The following CFAP43 variants were observed in gnomAD, a reference collection of about 807,000 sequenced individuals.
The protein encoded by CFAP43 is cilia- and flagella-associated protein 43.
A neutral mutation model predicts 218.9 loss-of-function variants in CFAP43; 155 were observed. The observed-to-expected ratio is 0.71, with a 90% CI of 0.62 to 0.81. CFAP43 has a LOEUF of 0.81. Ranked by LOEUF, CFAP43 falls within the 30% of genes least tolerant of loss-of-function variation. The pLI is 0.00. For synonymous variants in CFAP43, 645 were observed against 681.3 expected (o/e 0.95, Z 0.83); for missense variants, 1,778 against 1,954.3 (o/e 0.91, Z 1.70).
chr10:104,167,614 A>G lies in CFAP43; in HGVS notation c.2808+7T>C. The G allele has an allele frequency of 6.3e-7, 1 of 1,587,900 alleles. No individual in the cohort carries two copies. The highest frequency in any genetic ancestry group is 8.6e-7 in the Non-Finnish European group (1 of 1,168,672). ...TTATATAAACACATGTATATTTAAA[A>G]TAGTACTTTAAGACACTCTGCTTCA... On this transcript the variant is annotated splice_region_variant and intron_variant, in intron 22 of 37. Transcript: ENST00000357060.
chr10:104,167,430 G>C (rs2089211512), intron 22 of CFAP43, among the ~76,000 whole-genome samples, 191 bp downstream of exon 22: 1 of 152,110 alleles, frequency 6.6e-6, no homozygotes, highest in Non-Finnish European at 1.5e-5. Context: ...ATAGGATACA[G>C]GCTCCTTGAT....
chr10:104,165,661 A>T (rs997862204), intron 23 of CFAP43, among the ~76,000 whole-genome samples: 5 of 151,760 alleles, frequency 3.3e-5, no homozygotes, highest in African/African-American at 1.2e-4. Context: ...GGGTTTCTAC[A>T]TGTATAGACG....
chr10:104,214,157 A>T, intron 4 of CFAP43, 102 bp downstream of exon 4: 2 of 1,110,350 alleles, frequency 1.8e-6, no homozygotes, highest in Non-Finnish European at 2.5e-6. Flanking sequence ...ATGCATATAT[A>T]TGTATGTATA....
rs538751881 is a variant in CFAP43, at chr10:104,201,928, T to C, written c.1095+1744A>G. On this transcript the variant is annotated intron_variant, in intron 8 of 37. Transcript: ENST00000357060. ...CCCGCATACTGAAAAGATGTTTTCA[T>C]TGGGTATAGAATTCTAGGTGGTAAT... 3.9e-5 allele frequency among the ~76,000 whole-genome samples: 6 copies of C among 152,286 alleles called. No individual in the cohort carries two copies. The South Asian group carries it at 1.0e-3, about 26-fold the overall frequency.
intron 19 of CFAP43, among the ~76,000 whole-genome samples, chr10:104,175,084 C>CAAA (rs1309874058): frequency 1.3e-5 from 2 of 148,572 alleles, no homozygotes; most frequent in Non-Finnish European, 3.0e-5. Flanking sequence ...AACAAACAAA[C>CAAA]AAACAAAAAA....
Position 104,188,266 on chromosome 10 carries a change from T to C in CFAP43, c.1687+4A>G, listed in dbSNP as rs2090095702. 9.3e-6 allele frequency: 15 copies of C among 1,613,276 alleles called. No homozygotes were observed. Among genetic ancestry groups the C allele is most frequent in the Non-Finnish European group, 1.3e-5 (15 of 1,179,682 alleles). On this transcript the variant is annotated splice_donor_region_variant and intron_variant, in intron 13 of 37. Coordinates refer to ENST00000357060, the MANE Select transcript of CFAP43 (RefSeq NM_025145.7). ...GCAGAACTGGCTGCTTATGTTTTCC[T>C]TACCTTGTGGCAGTAATGTAGGCAG...
chr10:104,183,755 A>G (rs1464001511), intron 16 of CFAP43, among the ~76,000 whole-genome samples: 1 of 152,228 alleles, frequency 6.6e-6, no homozygotes, highest in African/African-American at 2.4e-5. Flanking sequence ...ATGGATCAAA[A>G]TGTCCTTCTT....
intron 20 of CFAP43, among the ~76,000 whole-genome samples, chr10:104,171,332 T>C (rs762626502): frequency 9.2e-5 from 14 of 152,262 alleles, no homozygotes; most frequent in South Asian, 2.1e-4. Context: ...TCTGTTGAGA[T>C]ACTCTTGTCC....
chr10:104,190,921 T>C (rs1484354165), intron 12 of CFAP43, among the ~76,000 whole-genome samples: 2 of 152,210 alleles, frequency 1.3e-5, no homozygotes, highest in East Asian at 3.8e-4. Flanking sequence ...AATTGCCTCA[T>C]GTGGAGAGAT....
At chr10:104,136,621 C>T (rs2087463897) in intron 34 of CFAP43, among the ~76,000 whole-genome samples, 1 of 152,122 alleles carries the variant, frequency 6.6e-6, no homozygotes, top group Non-Finnish European at 1.5e-5. Context: ...CCCACCTCAG[C>T]TTCCCAAAGT....
chr10:104,222,674 G>A (rs776813084), intron 3 of CFAP43, among the ~76,000 whole-genome samples: 1 of 152,302 alleles, frequency 6.6e-6, no homozygotes, highest in African/African-American at 2.4e-5. Flanking sequence ...AACAAATCTA[G>A]GGGAAGGGTT....
At chr10:104,205,450 C>T (rs2090659427) in intron 7 of CFAP43, among the ~76,000 whole-genome samples, 2 of 152,016 alleles carry the variant, frequency 1.3e-5, no homozygotes, top group Non-Finnish European at 2.9e-5. Flanking sequence ...GTTGTAAGGA[C>T]CTATAAGATA....
At chr10:104,167,767 A>C in intron 21 of CFAP43, 30 bp from the exon 22 acceptor site, 2 of 1,534,690 alleles carry the variant, frequency 1.3e-6, no homozygotes, top group Non-Finnish European at 1.8e-6. Context: ...GACAAAATAA[A>C]TCCATTTGTA....
chr10:104,183,879 T>G (rs2089942795), intron 16 of CFAP43, among the ~76,000 whole-genome samples: 1 of 152,226 alleles, frequency 6.6e-6, no homozygotes, highest in Admixed American at 6.5e-5. Context: ...AAGCTAATAT[T>G]CTATTCAGAA....
chr10:104,141,910 G>A (rs758279095), intron 33 of CFAP43, among the ~76,000 whole-genome samples: 8 of 152,174 alleles, frequency 5.3e-5, no homozygotes, highest in Non-Finnish European at 8.8e-5. Flanking sequence ...TCAGTTGGCT[G>A]CGTGTCTACA....
In CFAP43 at chr10:104,161,121, C is replaced by A. The variant is rs146612334; in HGVS notation, c.3456G>T (p.Val1152=). 6.2e-7 allele frequency: 1 copy of A among 1,613,740 alleles called. No individual in the cohort carries two copies. Among genetic ancestry groups the A allele is most frequent in the Non-Finnish European group, 8.5e-7 (1 of 1,179,838 alleles). ...ATTGTTTTCTTTCTTCTTCAGTCCA[C>A]ACAGCATCAGGTTTTGCCATGAAAG... The part of the protein sequence containing the change: ...QPAFMAKPDA[V]WTEEERKQFK... The change falls in exon 27 of 38, where the codon GTG becomes GTT. Residue 1152 remains valine, a synonymous_variant. Coordinates refer to ENST00000357060, the MANE Select transcript of CFAP43 (RefSeq NM_025145.7).
Position 104,203,798 on chromosome 10 carries a change from G to A in CFAP43, c.969C>T (p.Gly323=). The A allele has an allele frequency of 6.2e-7, 1 of 1,600,742 alleles. No homozygotes were observed. The highest frequency in any genetic ancestry group is 8.5e-7 in the Non-Finnish European group (1 of 1,175,358). ...KEGVLASGID[G]FVYSFIIKDR... ...CTTTAATAATAAAAGAATACACAAAGCCATCCTAGAGATGAGTGAGATAAA... is the reference window on the plus strand; with the variant it reads ...CTTTAATAATAAAAGAATACACAAAACCATCCTAGAGATGAGTGAGATAAA... Residue 323 remains glycine, a synonymous_variant, in exon 8 of 38, where the codon GGC becomes GGT. Transcript: ENST00000357060.
intron 34 of CFAP43, among the ~76,000 whole-genome samples, chr10:104,140,064 A>T (rs1332505711): frequency 6.6e-6 from 1 of 152,222 alleles, no homozygotes; most frequent in Non-Finnish European, 1.5e-5. Flanking sequence ...TATGTAAAAG[A>T]AAATTAAAAC....
At chr10:104,198,609 C>T (rs1481288322) in intron 8 of CFAP43, among the ~76,000 whole-genome samples, 1 of 151,844 alleles carries the variant, frequency 6.6e-6, no homozygotes, top group Non-Finnish European at 1.5e-5. Context: ...CTTTCTTCTT[C>T]AATTCCAGAC....
Sources: allele counts gnomAD v4.1 joint callset (sites outside exome capture counted in the v4.1 genomes callset), GRCh38; gene constraint gnomAD v4.1.1; transcripts MANE v1.5; gene names NCBI Gene and HGNC (gene_info 2026-07-23, HGNC 2026-07-21).